Variants in NELL1 observed in about 807,000 individuals in gnomAD.
NELL1 encodes the protein neural EGFL like 1.
In NELL1, 76 loss-of-function variants were observed where a neutral mutation model predicts 107.4. The observed-to-expected ratio is 0.71, with a 90% CI of 0.59 to 0.86. The LOEUF is 0.86. NELL1 is among the 40% of genes least tolerant of loss of function. The probability of loss-of-function intolerance (pLI) is 0.00; values close to 1 mark genes in which losing one functional copy is unlikely to be tolerated. For synonymous variants in NELL1, 353 were observed against 341.2 expected (o/e 1.03, Z -0.38); for missense variants, 1,024 against 1,005.5 (o/e 1.02, Z -0.25).
At chr11:21,534,334 A>G in intron 15 of NELL1, 40 bp from the exon 16 acceptor site, 2 of 1,612,434 alleles carry the variant, frequency 1.2e-6, no homozygotes, top group Non-Finnish European at 1.7e-6. Context: ...TGTCAAAAGA[A>G]ATTAATATCC....
intron 12 of NELL1, among the ~76,000 whole-genome samples, chr11:21,101,508 CT>C (rs1341942074): frequency 6.6e-5 from 10 of 152,074 alleles, no homozygotes; most frequent in Non-Finnish European, 1.5e-4. Flanking sequence ...CTGTTGTTTC[CT>C]GACTTTTTAA....
intron 2 of NELL1, among the ~76,000 whole-genome samples, chr11:20,768,071 A>AG (rs1257624186): frequency 2.6e-5 from 4 of 152,210 alleles, no homozygotes; most frequent in African/African-American, 9.6e-5. Context: ...AGCCATGCAA[A>AG]GATAATATTA....
chr11:20,833,944 C>T (rs117299088), intron 3 of NELL1, among the ~76,000 whole-genome samples: 146 of 152,252 alleles, frequency 9.6e-4, no homozygotes, highest in Middle Eastern at 6.8e-3. Flanking sequence ...TTTCCTGAAG[C>T]GCATGCCTAA....
At chr11:21,318,206 G>T (rs1246731979) in intron 14 of NELL1, among the ~76,000 whole-genome samples, 3 of 152,160 alleles carry the variant, frequency 2.0e-5, no homozygotes, top group Admixed American at 6.6e-5. Context: ...ACTGTAAAGA[G>T]AATTTCTTAT....
Position 21,570,710 on chromosome 11 carries a change from A to G in NELL1, c.1981-54A>G, listed in dbSNP as rs867854585. 4 of 1,543,992 alleles carry G rather than the reference A, an allele frequency of 2.6e-6. No homozygotes were observed. In the Middle Eastern group the frequency reaches 6.9e-4, roughly 265 times the overall value. On this transcript the variant is annotated intron_variant, in intron 17 of 19. Transcript: ENST00000357134. ...CCAAGAAGTTCATTTCTCTTAGTGTAGCTGTCCATCATGTCCTAAATGATG... is the reference window on the plus strand; with the variant it reads ...CCAAGAAGTTCATTTCTCTTAGTGTGGCTGTCCATCATGTCCTAAATGATG...
chr11:21,032,086 G>A (rs553339515), intron 12 of NELL1, among the ~76,000 whole-genome samples: 13 of 141,838 alleles, frequency 9.2e-5, no homozygotes, highest in South Asian at 2.2e-4. Context: ...TAATAATAAT[G>A]ATAAAATAAA....
intron 2 of NELL1, among the ~76,000 whole-genome samples, chr11:20,686,524 G>A (rs1340949952): frequency 6.6e-6 from 1 of 152,124 alleles, no homozygotes; most frequent in African/African-American, 2.4e-5. Flanking sequence ...GTCACTGCCG[G>A]GTGGTTGGAG....
intron 13 of NELL1, among the ~76,000 whole-genome samples, chr11:21,216,020 G>A (rs547022008): frequency 3.9e-5 from 6 of 152,200 alleles, no homozygotes; most frequent in African/African-American, 1.2e-4. Flanking sequence ...AGGGAAAAAT[G>A]GTTTCCTGGG....
At chr11:20,867,968 A>G (rs534804713) in intron 4 of NELL1, among the ~76,000 whole-genome samples, 15 of 152,358 alleles carry the variant, frequency 9.8e-5, no homozygotes, top group Non-Finnish European at 2.2e-4. Flanking sequence ...AGGTAAACAC[A>G]GAGAAATAGA....
At chr11:21,565,350 T>C (rs377091423) in intron 17 of NELL1, among the ~76,000 whole-genome samples, 3 of 152,030 alleles carry the variant, frequency 2.0e-5, no homozygotes, top group East Asian at 2.0e-4. Context: ...GTTTTGACCT[T>C]GCAGGAGCTT....
At chr11:21,573,058 C>A in intron 18 of NELL1, 127 bp from the exon 19 acceptor site, 1 of 713,456 alleles carries the variant, frequency 1.4e-6, no homozygotes, top group Non-Finnish European at 2.4e-6. Context: ...TGTACTTTAT[C>A]CTCAATGGTG....
intron 7 of NELL1, among the ~76,000 whole-genome samples, chr11:20,920,375 G>C (rs569863014): frequency 4.9e-4 from 75 of 152,222 alleles, no homozygotes; most frequent in Non-Finnish European, 8.2e-4. Flanking sequence ...TGGACCCATG[G>C]ATTGTGCTGC....
At chr11:20,939,477 C>G (rs184251055) in intron 10 of NELL1, among the ~76,000 whole-genome samples, 36 of 152,148 alleles carry the variant, frequency 2.4e-4, no homozygotes, top group Middle Eastern at 6.8e-3. Context: ...GAGTGACTTT[C>G]AATCATTTCT....
intron 13 of NELL1, among the ~76,000 whole-genome samples, chr11:21,192,438 G>A (rs1271452244): frequency 1.3e-5 from 2 of 151,888 alleles, no homozygotes; most frequent in African/African-American, 4.9e-5. Flanking sequence ...ATAAAATTAA[G>A]ATTTATTTGT....
Position 21,490,177 on chromosome 11 carries a change from G to T in NELL1, c.1646-44197G>T, listed in dbSNP as rs766106810. Reference sequence around the variant, plus strand: ...CTAGCAGAGGAAAAAAATCAAGAAAGCAATTTTATTTACAATAGCTCCAAA... The same window carrying T: ...CTAGCAGAGGAAAAAAATCAAGAAATCAATTTTATTTACAATAGCTCCAAA... On this transcript the variant is annotated intron_variant, in intron 15 of 19. Transcript: ENST00000357134. Among the ~76,000 whole-genome samples the T allele has an allele frequency of 1.3e-5, 2 of 151,818 alleles. 1 individual carries two copies. Among genetic ancestry groups the T allele is most frequent in the South Asian group, 4.1e-4 (2 of 4,828 alleles).
At chr11:21,027,296 TTTAGTTTAG>T (rs1334080388) in intron 12 of NELL1, among the ~76,000 whole-genome samples, 1 of 146,216 alleles carries the variant, frequency 6.8e-6, no homozygotes, top group Non-Finnish European at 1.5e-5. Flanking sequence ...TTTAGTTTAG[TTTAGTTTAG>T]TTTAGTTTAG....
intron 15 of NELL1, among the ~76,000 whole-genome samples, chr11:21,533,259 G>C (rs1856040712): frequency 6.6e-6 from 1 of 152,110 alleles, no homozygotes; most frequent in African/African-American, 2.4e-5. Context: ...CACAACATGG[G>C]ACTTGTCAAG....
chr11:20,915,717 A>ATATTTTTT, intron 5 of NELL1, among the ~76,000 whole-genome samples: 2 of 58,224 alleles, frequency 3.4e-5, no homozygotes, highest in African/African-American at 8.8e-5. Flanking sequence ...ATATATATAT[A>ATATTTTTT]TTTTTTTTTT....
intron 14 of NELL1, among the ~76,000 whole-genome samples, chr11:21,334,174 C>T (rs893208636): frequency 6.6e-6 from 1 of 151,896 alleles, no homozygotes; most frequent in Non-Finnish European, 1.5e-5. Context: ...AATAGACAAA[C>T]ATTAGAGCAT....
Sources: gnomAD v4.1 joint callset for allele counts (sites outside exome capture counted in the v4.1 genomes callset) on GRCh38, gnomAD v4.1.1 for gene constraint, MANE v1.5 for transcripts, NCBI Gene and HGNC (gene_info 2026-07-23, HGNC 2026-07-21) for gene names.